The following GPC5 variants were observed in gnomAD, a reference collection of about 807,000 sequenced individuals.
The protein encoded by GPC5 is glypican-5.
Under a neutral mutation model 53.9 loss-of-function variants are expected in GPC5, and 47 were observed. The observed-to-expected ratio is 0.87, with a 90% CI of 0.69 to 1.11. The LOEUF is 1.11. GPC5 is among the 50% of genes most tolerant of loss of function. GPC5 has a pLI of 0.00. For missense variants in GPC5, 748 were observed against 713.1 expected, an observed-to-expected ratio of 1.05 and a Z score of -0.56; for synonymous variants, 286 against 263.3, an observed-to-expected ratio of 1.09 and a Z score of -0.84.
At chr13:91,499,720 C>A (rs1047302334) in intron 2 of GPC5, among the ~76,000 whole-genome samples, 1 of 152,170 alleles carries the variant, frequency 6.6e-6, no homozygotes, top group African/African-American at 2.4e-5. Context: ...TACTCTTCTG[C>A]CACCTTTCAG....
At chr13:92,284,661 T>C (rs1051805664) in intron 7 of GPC5, among the ~76,000 whole-genome samples, 3 of 152,208 alleles carry the variant, frequency 2.0e-5, no homozygotes, top group African/African-American at 4.8e-5. Context: ...TCTCAATAGA[T>C]GCAGAAAACG....
At position 92,685,463 on chromosome 13, in the gene GPC5, T is replaced by C. The variant is rs557234911; in HGVS notation, c.1562-180819T>C. Reference sequence around the variant, plus strand: ...CACATTTTTCCACATATATTTGTAATAAGTTCTGATGTCTGATAAGGCAAG... The same window carrying C: ...CACATTTTTCCACATATATTTGTAACAAGTTCTGATGTCTGATAAGGCAAG... On this transcript the variant is annotated intron_variant, in intron 7 of 7. Coordinates refer to ENST00000377067, the MANE Select transcript of GPC5 (RefSeq NM_004466.6). Among the ~76,000 whole-genome samples, 17 of 151,976 alleles carry C rather than the reference T, an allele frequency of 1.1e-4. No individual in the cohort carries two copies. The East Asian group carries it at 3.3e-3, about 29-fold the overall frequency.
At chr13:92,415,366 A>G (rs911810402) in intron 7 of GPC5, among the ~76,000 whole-genome samples, 7 of 152,196 alleles carry the variant, frequency 4.6e-5, no homozygotes, top group African/African-American at 1.7e-4. Flanking sequence ...TAAAGGAGCA[A>G]TGGTCAAGCC....
chr13:92,793,167 G>T (rs2138777358), intron 7 of GPC5, among the ~76,000 whole-genome samples: 1 of 152,164 alleles, frequency 6.6e-6, no homozygotes, highest in African/African-American at 2.4e-5. Context: ...TAAAAGAACA[G>T]AAATCACAAC....
At chr13:91,801,531 A>G (rs2038136814) in intron 5 of GPC5, among the ~76,000 whole-genome samples, 1 of 152,174 alleles carries the variant, frequency 6.6e-6, no homozygotes, top group Non-Finnish European at 1.5e-5. Flanking sequence ...GAAGTTACGG[A>G]TTGGACCATA....
At chr13:92,609,715 A>C (rs919089850) in intron 7 of GPC5, among the ~76,000 whole-genome samples, 1 of 152,142 alleles carries the variant, frequency 6.6e-6, no homozygotes, top group Non-Finnish European at 1.5e-5. Context: ...CAGTTAATAT[A>C]TATCAAGACC....
intron 2 of GPC5, among the ~76,000 whole-genome samples, chr13:91,511,847 A>G (rs1372075188): frequency 6.6e-6 from 1 of 152,026 alleles, no homozygotes; most frequent in Non-Finnish European, 1.5e-5. Context: ...ACCTTCTTCT[A>G]TGGACTATAT....
chr13:92,513,912 A>G (rs1373265292), intron 7 of GPC5, among the ~76,000 whole-genome samples: 1 of 152,136 alleles, frequency 6.6e-6, no homozygotes, highest in Non-Finnish European at 1.5e-5. Flanking sequence ...TTGTGGCATC[A>G]TGTTGGCACT....
chr13:92,735,768 T>C (rs1293541773), intron 7 of GPC5, among the ~76,000 whole-genome samples: 1 of 151,986 alleles, frequency 6.6e-6, no homozygotes, highest in Non-Finnish European at 1.5e-5. Context: ...CTAATGGGGA[T>C]TAAAACAATG....
At chr13:92,742,467 G>T (rs1412732246) in intron 7 of GPC5, among the ~76,000 whole-genome samples, 1 of 151,216 alleles carries the variant, frequency 6.6e-6, no homozygotes, top group Non-Finnish European at 1.5e-5. Context: ...GTTCTTTGTA[G>T]ATTCTGGATA....
intron 7 of GPC5, among the ~76,000 whole-genome samples, chr13:92,513,186 G>T (rs2780743): frequency 0.58 from 88,637 of 151,972 alleles, 26,373 homozygotes; most frequent in East Asian, 0.75. Context: ...TCAGCAGGCC[G>T]CCTTTTCCTG....
At chr13:92,678,428 G>A (rs1887014962) in intron 7 of GPC5, among the ~76,000 whole-genome samples, 1 of 142,698 alleles carries the variant, frequency 7.0e-6, no homozygotes, top group Non-Finnish European at 1.6e-5. Context: ...CGTCCTTACT[G>A]TATAAGAACA....
intron 7 of GPC5, among the ~76,000 whole-genome samples, chr13:92,288,450 G>A (rs1168894017): frequency 1.3e-5 from 2 of 152,102 alleles, no homozygotes; most frequent in Non-Finnish European, 1.5e-5. Context: ...TCAGTTACTT[G>A]TCCAAACTGT....
intron 7 of GPC5, among the ~76,000 whole-genome samples, chr13:92,722,295 T>C (rs770709134): frequency 3.3e-5 from 5 of 152,016 alleles, no homozygotes; most frequent in Non-Finnish European, 7.4e-5. Flanking sequence ...CTAGCCTTCA[T>C]AGTATTTTCT....
intron 7 of GPC5, 84 bp from the exon 8 acceptor site, chr13:92,866,198 C>A: frequency 2.4e-6 from 3 of 1,227,008 alleles, no homozygotes; most frequent in South Asian, 1.8e-5. Flanking sequence ...CAATGCTGTC[C>A]ACACTTTGAG....
intron 2 of GPC5, among the ~76,000 whole-genome samples, chr13:91,569,570 A>G (rs1874033666): frequency 1.3e-5 from 2 of 152,138 alleles, no homozygotes; most frequent in Non-Finnish European, 2.9e-5. Context: ...ATGCATGTTC[A>G]AGAATCTAGA....
chr13:91,895,053 T>TA (rs111823854), intron 5 of GPC5, among the ~76,000 whole-genome samples: 1,352 of 123,830 alleles, frequency 0.011, 18 homozygotes, highest in African/African-American at 0.033. Context: ...ATCCCTAACT[T>TA]AAAAAAAAAA....
chr13:91,721,235 A>G (rs2036466668), intron 3 of GPC5, among the ~76,000 whole-genome samples: 1 of 151,980 alleles, frequency 6.6e-6, no homozygotes, highest in Non-Finnish European at 1.5e-5. Flanking sequence ...TCCAGGGTCA[A>G]GCAATTCTCC....
chr13:91,994,872 TTTAATTCCAGTGGAACTTCAGA>T (rs1186739948), intron 6 of GPC5: 1 of 52 alleles, frequency 0.019, no homozygotes, highest in African/African-American at 0.062. Flanking sequence ...CTGAAATTTA[TTTAATTCCAGTGGAACTTCAGA>T]TTTATGCATT....
Sources: gnomAD v4.1 joint callset for allele counts (sites outside exome capture counted in the v4.1 genomes callset) on GRCh38, gnomAD v4.1.1 for gene constraint, MANE v1.5 for transcripts, NCBI Gene and HGNC (gene_info 2026-07-23, HGNC 2026-07-21) for gene names.